Variants in GRID2 observed in about 807,000 individuals in gnomAD.
GRID2 encodes the protein glutamate receptor ionotropic, delta-2.
A neutral mutation model predicts 114.8 loss-of-function variants in GRID2; 33 were observed. The observed-to-expected ratio is 0.29, with a 90% CI of 0.22 to 0.38. GRID2 has a LOEUF of 0.38. Among genes scored for constraint, GRID2 ranks in the 10% least tolerant of loss-of-function variants. GRID2 has a pLI of 1.00. For synonymous variants in GRID2, 505 were observed against 449.9 expected (o/e 1.12, Z -1.55); for missense variants, 1,184 against 1,257.7 (o/e 0.94, Z 0.89).
chr4:93,743,396 C>G (rs1442656652), intron 14 of GRID2, among the ~76,000 whole-genome samples: 1 of 152,198 alleles, frequency 6.6e-6, no homozygotes, highest in Non-Finnish European at 1.5e-5. Flanking sequence ...CTACACTAAA[C>G]AACAGATTTT....
At chr4:92,879,756 A>T (rs1393322950) in intron 2 of GRID2, among the ~76,000 whole-genome samples, 2 of 152,242 alleles carry the variant, frequency 1.3e-5, no homozygotes, top group Non-Finnish European at 1.5e-5. Flanking sequence ...TTTCAACACA[A>T]TGTGCAGGAG....
chr4:92,949,764 G>C (rs534737407), intron 2 of GRID2, among the ~76,000 whole-genome samples: 24 of 151,954 alleles, frequency 1.6e-4, no homozygotes, highest in Admixed American at 1.4e-3. Context: ...AATTGAAACT[G>C]AACTGATGTT....
chr4:92,595,830 C>A (rs1405522259), intron 2 of GRID2, among the ~76,000 whole-genome samples: 6 of 152,040 alleles, frequency 3.9e-5, no homozygotes, highest in African/African-American at 1.4e-4. Context: ...AAACACATTA[C>A]CATCCATGGT....
intron 2 of GRID2, among the ~76,000 whole-genome samples, chr4:93,056,411 T>C (rs767669596): frequency 3.1e-4 from 47 of 151,788 alleles, no homozygotes; most frequent in Admixed American, 4.6e-4. Flanking sequence ...CACTGCGTGA[T>C]TGAAGTAGGA....
At chr4:93,321,625 C>T (rs978915153) in intron 8 of GRID2, among the ~76,000 whole-genome samples, 1 of 151,918 alleles carries the variant, frequency 6.6e-6, no homozygotes, top group Non-Finnish European at 1.5e-5. Context: ...CTTTTTAAAC[C>T]TAATATATTC....
chr4:93,444,946 C>T (rs1412939433), intron 10 of GRID2, among the ~76,000 whole-genome samples: 5 of 152,008 alleles, frequency 3.3e-5, no homozygotes, highest in Non-Finnish European at 7.4e-5. Flanking sequence ...TATCTGTTCT[C>T]TCCTTTCTTA....
intron 1 of GRID2, among the ~76,000 whole-genome samples, chr4:92,507,644 T>C (rs754382033): frequency 1.3e-5 from 2 of 151,996 alleles, no homozygotes; most frequent in Non-Finnish European, 2.9e-5. Flanking sequence ...TTTTTATCTA[T>C]CTTAGCAGTG....
chr4:93,623,942 C>A (rs1282014983), intron 13 of GRID2, among the ~76,000 whole-genome samples: 1 of 152,114 alleles, frequency 6.6e-6, no homozygotes, highest in Non-Finnish European at 1.5e-5. Flanking sequence ...ATTGGAGAAT[C>A]TGAGGAAAAT....
intron 2 of GRID2, among the ~76,000 whole-genome samples, chr4:92,835,067 AT>A (rs1163312993): frequency 6.6e-6 from 1 of 152,148 alleles, no homozygotes; most frequent in Admixed American, 6.6e-5. Context: ...CTTATTTTAA[AT>A]AAGTCAAAGA....
intron 8 of GRID2, among the ~76,000 whole-genome samples, chr4:93,383,249 C>T (rs1764028105): frequency 2.6e-5 from 4 of 152,042 alleles, no homozygotes; most frequent in Admixed American, 1.3e-4. Flanking sequence ...TCTACAAGTC[C>T]GTGATTAGAA....
At chr4:93,549,340 C>A (rs900387827) in intron 13 of GRID2, among the ~76,000 whole-genome samples, 2 of 152,052 alleles carry the variant, frequency 1.3e-5, no homozygotes, top group African/African-American at 4.8e-5. Context: ...GCTGGAAAGG[C>A]CTTCAGATAA....
chr4:93,589,622 C>A (rs985224315), intron 13 of GRID2, among the ~76,000 whole-genome samples: 1 of 151,770 alleles, frequency 6.6e-6, no homozygotes, highest in African/African-American at 2.4e-5. Flanking sequence ...CCTGAGGAAT[C>A]GCCACACTGA....
At chr4:93,543,448 T>C (rs934973741) in intron 13 of GRID2, among the ~76,000 whole-genome samples, 2 of 152,230 alleles carry the variant, frequency 1.3e-5, no homozygotes, top group Non-Finnish European at 2.9e-5. Context: ...TAACACATTA[T>C]ACACAAAGCC....
At chr4:93,704,254 G>A (rs1689286355) in intron 14 of GRID2, among the ~76,000 whole-genome samples, 1 of 152,132 alleles carries the variant, frequency 6.6e-6, no homozygotes, top group South Asian at 2.1e-4. Context: ...CAGTGATGAT[G>A]AGCATTTTTT....
intron 9 of GRID2, among the ~76,000 whole-genome samples, chr4:93,422,494 G>C (rs755754098): frequency 6.6e-6 from 1 of 151,990 alleles, no homozygotes; most frequent in Non-Finnish European, 1.5e-5. Flanking sequence ...TTGGTCCTCC[G>C]AGGACAGGAA....
At chr4:92,873,940 C>T (rs150452441) in intron 2 of GRID2, among the ~76,000 whole-genome samples, 4 of 152,186 alleles carry the variant, frequency 2.6e-5, no homozygotes, top group African/African-American at 9.6e-5. Context: ...TCTCGAACAC[C>T]TGACCTCAGG....
At chr4:93,003,201 T>C (rs764875200) in intron 2 of GRID2, among the ~76,000 whole-genome samples, 22 of 151,980 alleles carry the variant, frequency 1.4e-4, no homozygotes, top group Admixed American at 2.6e-4. Context: ...TGCCAGTCTA[T>C]AGAATTATTT....
chr4:93,633,758 A>G (rs1039310551), intron 14 of GRID2, among the ~76,000 whole-genome samples: 5 of 152,200 alleles, frequency 3.3e-5, no homozygotes, highest in Admixed American at 6.5e-5. Context: ...CTTCTTTCCA[A>G]CTCCCTGCTG....
chr4:93,766,093 G>A (rs531705820), intron 14 of GRID2, among the ~76,000 whole-genome samples: 1 of 152,156 alleles, frequency 6.6e-6, no homozygotes, highest in South Asian at 2.1e-4. Flanking sequence ...CTCTGTAGGA[G>A]GCAATATGGA....
Sources: gnomAD v4.1 joint callset for allele counts (sites outside exome capture counted in the v4.1 genomes callset) on GRCh38, gnomAD v4.1.1 for gene constraint, MANE v1.5 for transcripts, NCBI Gene and HGNC (gene_info 2026-07-23, HGNC 2026-07-21) for gene names.